Variants in IL7R observed in about 807,000 individuals in gnomAD.
The protein encoded by IL7R is interleukin 7 receptor, also known as interleukin-7 receptor subunit alpha.
IL7R carries 38 observed loss-of-function variants against 47.0 expected under a neutral mutation model. The observed-to-expected ratio is 0.81, with a 90% CI of 0.62 to 1.06. The LOEUF (loss-of-function observed/expected upper bound fraction) is 1.06. Among genes scored for constraint, IL7R ranks in the 50% least tolerant of loss-of-function variants. The pLI is 0.00. For synonymous variants in IL7R, 221 were observed against 199.8 expected (o/e 1.11, Z -0.89); for missense variants, 633 against 534.8 (o/e 1.18, Z -1.81).
intron 3 of IL7R, among the ~76,000 whole-genome samples, chr5:35,870,511 G>T (rs2149901180): frequency 6.6e-6 from 1 of 152,348 alleles, no homozygotes; most frequent in Middle Eastern, 3.4e-3. Flanking sequence ...AAATACTCCT[G>T]CTTTGGGGCT....
At chr5:35,858,273 T>C (rs536222260) in intron 1 of IL7R, among the ~76,000 whole-genome samples, 8 of 152,196 alleles carry the variant, frequency 5.3e-5, no homozygotes, top group African/African-American at 1.7e-4. Context: ...CCTATTCACA[T>C]GATTACGTCA....
At chr5:35,860,286 TA>T (rs1188779727) in intron 1 of IL7R, among the ~76,000 whole-genome samples, 4 of 152,190 alleles carry the variant, frequency 2.6e-5, no homozygotes, top group Admixed American at 2.6e-4. Context: ...GTGCCACTTT[TA>T]ATTGGGATGC....
In IL7R at chr5:35,876,152, G is replaced by A. The variant is rs200927791; in HGVS notation, c.1046G>A (p.Cys349Tyr). The A allele has an allele frequency of 1.2e-6, 2 of 1,614,114 alleles. No homozygotes were observed. The highest frequency in any genetic ancestry group is 2.2e-5 in the South Asian group (2 of 91,074). Residue 349 changes from cysteine (C) to tyrosine (Y), a missense_variant, in exon 8 of 8, where the codon TGC (cysteine) becomes TAC (tyrosine). Transcript: ENST00000303115. ...GGAGGGGATGTGCAGAGCCCCAACT[G>A]CCCATCTGAGGATGTAGTCATCACT... ...RLGGDVQSPN[C>Y]PSEDVVITPE... is the part of the protein sequence containing the mutation.
rs200570812 is a variant in IL7R at position 35,876,241 on chromosome 5, G to A, written c.1135G>A (p.Ala379Thr). Residue 379 changes from alanine (A) to threonine (T), a missense_variant, in exon 8 of 8, where the codon GCC becomes ACC. Ala to Thr is a moderately conservative substitution (Grantham distance 58). Coordinates refer to ENST00000303115, the MANE Select transcript of IL7R (RefSeq NM_002185.5). ...GGCTGGGAATGTCAGTGCATGTGAC[G>A]CCCCTATTCTCTCCTCTTCCAGGTC... Reference protein sequence around the residue: ...CLAGNVSACDAPILSSSRSLD... With the variant: ...CLAGNVSACDTPILSSSRSLD... 4.0e-5 allele frequency: 65 copies of A among 1,613,980 alleles called. No homozygotes were observed. Among genetic ancestry groups the A allele is most frequent in the South Asian group, 5.5e-5 (5 of 91,078 alleles).
At chr5:35,861,525 G>A (rs1759816570) in intron 2 of IL7R, among the ~76,000 whole-genome samples, 1 of 152,084 alleles carries the variant, frequency 6.6e-6, no homozygotes, top group South Asian at 2.1e-4. Context: ...CAAATAGTCG[G>A]CCAGTGAATA....
chr5:35,875,961 C>A (rs2149905057), intron 7 of IL7R, 22 bp from the exon 8 acceptor site: 1 of 1,607,248 alleles, frequency 6.2e-7, no homozygotes, highest in Non-Finnish European at 8.5e-7. Context: ...ATCTTAATAC[C>A]CTTTCTCCTT....
Position 35,877,946 on chromosome 5 carries a change from T to G in IL7R, c.*1460T>G, listed in dbSNP as rs541587134. ...GCACAGAAAACTAGAGAAGGGGTCA[T>G]AGGTTCATGGTTTTGTTTGAGATTT... is the stretch of plus-strand genomic sequence containing the variant. On this transcript the variant is annotated 3_prime_UTR_variant, in exon 8 of 8. Coordinates refer to ENST00000303115, the MANE Select transcript of IL7R (RefSeq NM_002185.5). 4.3e-6 allele frequency: 1 copy of G among 233,324 alleles called. No individual in the cohort carries two copies. The highest frequency in any genetic ancestry group is 5.6e-5 in the Admixed American group (1 of 17,804). 14.5% of individuals were successfully genotyped at this position (233,324 alleles called of 1,614,324 possible).
intron 6 of IL7R, 87 bp from the exon 7 acceptor site, chr5:35,875,425 T>A (rs762248049): frequency 2.1e-6 from 2 of 952,546 alleles, no homozygotes; most frequent in Non-Finnish European, 3.4e-6. Context: ...TCTGTTCTTC[T>A]GATTCCAAGC....
chr5:35,856,972 C>T lies in IL7R; in HGVS notation c.-6C>T, dbSNP rs1759657303. On this transcript the variant is annotated 5_prime_UTR_variant, in exon 1 of 8. Transcript: ENST00000303115. ...ACATCTACTCTCTCTCTCTATCTCT[C>T]TCAGAATGACAATTCTAGGTACAAC... The T allele has an allele frequency of 6.4e-7, 1 of 1,558,420 alleles. No homozygotes were observed. The highest frequency in any genetic ancestry group is 8.8e-7 in the Non-Finnish European group (1 of 1,131,390).
In IL7R at chr5:35,863,396, A is replaced by G. The variant is rs1012460554; in HGVS notation, c.221+2406A>G. On this transcript the variant is annotated intron_variant, in intron 2 of 7. Transcript: ENST00000303115. ...CCTCCTGGCCAGCTCACTCGAAGCCAGACAAACAGGTTCCTCTTTTTGTGC... is the reference window on the plus strand; with the variant it reads ...CCTCCTGGCCAGCTCACTCGAAGCCGGACAAACAGGTTCCTCTTTTTGTGC... Among the ~76,000 whole-genome samples the G allele has an allele frequency of 5.3e-5, 8 of 152,146 alleles. No individual in the cohort carries two copies. The East Asian group carries it at 1.5e-3, about 29-fold the overall frequency.
intron 4 of IL7R, among the ~76,000 whole-genome samples, chr5:35,872,636 C>T (rs924682590): frequency 3.3e-5 from 5 of 152,032 alleles, no homozygotes; most frequent in Non-Finnish European, 5.9e-5. Flanking sequence ...CAAATGTTTA[C>T]ATAATCTTGA....
Position 35,871,046 on chromosome 5 carries a change from T to C in IL7R, c.380-10T>C, listed in dbSNP as rs1305383189. On this transcript the variant is annotated splice_polypyrimidine_tract_variant and intron_variant, in intron 3 of 7. Coordinates refer to ENST00000303115, the MANE Select transcript of IL7R (RefSeq NM_002185.5). ...CCTTTAGACAGAATTTATTTCTTTT[T>C]CTTTTCCAGTTAAACCTGAGGCTCC... 6.2e-7 allele frequency: 1 copy of C among 1,611,102 alleles called. No individual in the cohort carries two copies. The highest frequency in any genetic ancestry group is 8.5e-7 in the Non-Finnish European group (1 of 1,177,248).
intron 7 of IL7R, 197 bp downstream of exon 7, chr5:35,875,784 G>A (rs1324047628): frequency 2.6e-6 from 2 of 763,838 alleles, no homozygotes; most frequent in Non-Finnish European, 2.2e-6. Flanking sequence ...GCTCCCTGGG[G>A]CTGGAGGGCA....
rs1265003085 is a variant in IL7R at position 35,877,460 on chromosome 5, CTT to C, written c.*975_*976del. The C allele has an allele frequency of 8.6e-6, 2 of 233,100 alleles. No individual in the cohort carries two copies. The highest frequency in any genetic ancestry group is 1.7e-5 in the Non-Finnish European group (2 of 118,000). 14.4% of individuals were successfully genotyped at this position (233,100 alleles called of 1,614,324 possible). Reference sequence around the variant, plus strand: ...AATAAATTAGAAACTCACAATTTCTCTTGTTTGTTACCAAGACAGTGATTCTC... The same window carrying C: ...AATAAATTAGAAACTCACAATTTCTCGTTTGTTACCAAGACAGTGATTCTC... On this transcript the variant is annotated 3_prime_UTR_variant, in exon 8 of 8. Coordinates refer to ENST00000303115, the MANE Select transcript of IL7R (RefSeq NM_002185.5).
rs1380477757 is a variant in IL7R, at chr5:35,878,531, G to A, written c.*2045G>A. 6 of 232,806 alleles carry A rather than the reference G, an allele frequency of 2.6e-5. No individual in the cohort carries two copies. Among genetic ancestry groups the A allele is most frequent in the African/African-American group, 6.6e-5 (3 of 45,324 alleles). 14.4% of individuals were successfully genotyped at this position (232,806 alleles called of 1,614,324 possible). On this transcript the variant is annotated 3_prime_UTR_variant, in exon 8 of 8. Transcript: ENST00000303115. ...CAAAAATGATGTAAATTTACATGGAGGAAAAGTAGAATCTGCCTGGTTTGT... is the reference window on the plus strand; with the variant it reads ...CAAAAATGATGTAAATTTACATGGAAGAAAAGTAGAATCTGCCTGGTTTGT...
Position 35,861,004 on chromosome 5 carries a change from G to A in IL7R, c.221+14G>A, listed in dbSNP as rs755190557. 6.2e-7 allele frequency: 1 copy of A among 1,612,532 alleles called. No homozygotes were observed. The highest frequency in any genetic ancestry group is 8.5e-7 in the Non-Finnish European group (1 of 1,178,692). Reference sequence around the variant, plus strand: ...ATTTGAAATATGGTGAGGGATGGTGGTTTTAATGGTTGCTTAGACATCCTC... The same window carrying A: ...ATTTGAAATATGGTGAGGGATGGTGATTTTAATGGTTGCTTAGACATCCTC... On this transcript the variant is annotated intron_variant, in intron 2 of 7. Transcript: ENST00000303115.
chr5:35,866,509 C>G (rs563351973), intron 2 of IL7R, among the ~76,000 whole-genome samples: 1 of 152,106 alleles, frequency 6.6e-6, no homozygotes, highest in East Asian at 1.9e-4. Context: ...ATAGAATTTA[C>G]CAGAATATAA....
chr5:35,862,677 A>C (rs187660909), intron 2 of IL7R, among the ~76,000 whole-genome samples: 1 of 152,194 alleles, frequency 6.6e-6, no homozygotes, highest in East Asian at 1.9e-4. Context: ...ATTGCTCATT[A>C]ATTTCATTCT....
chr5:35,861,879 A>G (rs150556151), intron 2 of IL7R, among the ~76,000 whole-genome samples: 4 of 152,192 alleles, frequency 2.6e-5, no homozygotes, highest in Admixed American at 1.3e-4. Flanking sequence ...CGAATGACCT[A>G]CTTTTTAGTT....
Sources: gnomAD v4.1 joint callset for allele counts (sites outside exome capture counted in the v4.1 genomes callset) on GRCh38, gnomAD v4.1.1 for gene constraint, MANE v1.5 for transcripts, NCBI Gene and HGNC (gene_info 2026-07-23, HGNC 2026-07-21) for gene names.